The following CDC42BPA variants were observed in gnomAD, a reference collection of about 807,000 sequenced individuals.
CDC42BPA encodes the protein CDC42 binding protein kinase alpha, also known as serine/threonine-protein kinase MRCK alpha.
Under a neutral mutation model 223.5 loss-of-function variants are expected in CDC42BPA, and 80 were observed. That is an observed-to-expected ratio of 0.36 (90% CI 0.30 to 0.43). The LOEUF (loss-of-function observed/expected upper bound fraction) is 0.43. CDC42BPA is among the 20% of genes least tolerant of loss of function. The probability of loss-of-function intolerance (pLI) is 1.00; values close to 1 mark genes in which losing one functional copy is unlikely to be tolerated. For synonymous variants in CDC42BPA, 694 were observed against 718.6 expected, an observed-to-expected ratio of 0.97 and a Z score of 0.55; for missense variants, 1,743 against 2,099.9, an observed-to-expected ratio of 0.83 and a Z score of 3.32.
At chr1:227,266,911 T>C (rs1685092615) in intron 1 of CDC42BPA, among the ~76,000 whole-genome samples, 2 of 152,204 alleles carry the variant, frequency 1.3e-5, no homozygotes, top group Non-Finnish European at 1.5e-5. Flanking sequence ...TTGTTGGCCC[T>C]TAAATACTCA....
chr1:226,997,392 A>G (rs958044843), intron 35 of CDC42BPA, among the ~76,000 whole-genome samples: 1 of 152,074 alleles, frequency 6.6e-6, no homozygotes, highest in African/African-American at 2.4e-5. Flanking sequence ...AATCTTTTCA[A>G]AAAACCAGCT....
At chr1:227,040,386 T>C in intron 23 of CDC42BPA, 150 bp from the exon 24 acceptor site, 1 of 591,686 alleles carries the variant, frequency 1.7e-6, no homozygotes. Context: ...TTATAGTTTA[T>C]GGTCTTTAAA....
At chr1:227,047,590 A>G (rs897089679) in intron 23 of CDC42BPA, among the ~76,000 whole-genome samples, 1 of 150,612 alleles carries the variant, frequency 6.6e-6, no homozygotes, top group Non-Finnish European at 1.5e-5. Context: ...ATTTTTCACT[A>G]AACGTTTTTC....
At chr1:227,039,980 TCAACAGA>T (rs1318602219) in intron 24 of CDC42BPA, 144 bp downstream of exon 24, 1 of 623,192 alleles carries the variant, frequency 1.6e-6, no homozygotes, top group Non-Finnish European at 2.8e-6. Context: ...TCTCGAACAT[TCAACAGA>T]CAACACAGAT....
At chr1:227,275,416 TAAAA>T (rs1407580044) in intron 1 of CDC42BPA, among the ~76,000 whole-genome samples, 1 of 151,436 alleles carries the variant, frequency 6.6e-6, no homozygotes, top group African/African-American at 2.4e-5. Context: ...AAGAGAAAAG[TAAAA>T]GAAAGACAAT....
At chr1:227,176,735 T>G (rs1667019045) in intron 5 of CDC42BPA, among the ~76,000 whole-genome samples, 1 of 152,164 alleles carries the variant, frequency 6.6e-6, no homozygotes, top group Non-Finnish European at 1.5e-5. Context: ...TAGTATATAT[T>G]ATTACACTAT....
chr1:227,003,258 G>A (rs1663258314), intron 35 of CDC42BPA, among the ~76,000 whole-genome samples: 2 of 152,210 alleles, frequency 1.3e-5, no homozygotes, highest in African/African-American at 4.8e-5. Flanking sequence ...ATTGGATTTA[G>A]TGCAGTTACT....
At chr1:227,034,571 C>A in intron 26 of CDC42BPA, 84 bp downstream of exon 26, 2 of 1,263,510 alleles carry the variant, frequency 1.6e-6, no homozygotes, top group African/African-American at 1.5e-5. Context: ...TTAAATAAAC[C>A]ATGGCAACAC....
intron 35 of CDC42BPA, among the ~76,000 whole-genome samples, chr1:226,999,133 A>C (rs1662254400): frequency 6.6e-6 from 1 of 152,094 alleles, no homozygotes; most frequent in Non-Finnish European, 1.5e-5. Flanking sequence ...TCATTAAAAA[A>C]TCAGGAAACA....
At chr1:227,119,966 C>T in intron 11 of CDC42BPA, 29 bp from the exon 12 acceptor site, 1 of 1,538,658 alleles carries the variant, frequency 6.5e-7, no homozygotes, top group Non-Finnish European at 8.7e-7. Context: ...GTTTCTTTTA[C>T]TATTTGTATA....
chr1:227,115,782 A>T (rs544685110), intron 12 of CDC42BPA, among the ~76,000 whole-genome samples: 2 of 152,098 alleles, frequency 1.3e-5, no homozygotes, highest in Admixed American at 6.6e-5. Context: ...ATACTTATAA[A>T]TAACTCATTG....
chr1:227,250,767 GAGGGCC>G (rs1352966363), intron 2 of CDC42BPA, among the ~76,000 whole-genome samples: 3 of 151,742 alleles, frequency 2.0e-5, no homozygotes. Flanking sequence ...AAATACTAAA[GAGGGCC>G]AGGCACAGTG....
chr1:227,211,380 C>G (rs141045464), intron 3 of CDC42BPA, among the ~76,000 whole-genome samples: 7 of 152,116 alleles, frequency 4.6e-5, no homozygotes, highest in Non-Finnish European at 1.0e-4. Context: ...ACCATTCCAT[C>G]CAGCAATCCC....
At chr1:227,064,748 G>A (rs955034891) in intron 21 of CDC42BPA, among the ~76,000 whole-genome samples, 4 of 152,094 alleles carry the variant, frequency 2.6e-5, no homozygotes, top group Non-Finnish European at 5.9e-5. Flanking sequence ...TAGGTTGAAT[G>A]GAAATGCCTT....
chr1:227,287,710 T>C (rs139437492), intron 1 of CDC42BPA, among the ~76,000 whole-genome samples: 3 of 152,316 alleles, frequency 2.0e-5, no homozygotes, highest in Non-Finnish European at 4.4e-5. Flanking sequence ...GGGTTTTTAA[T>C]TGACAAATAA....
chr1:227,082,542 G>A (rs941819205), intron 16 of CDC42BPA, among the ~76,000 whole-genome samples: 9 of 151,384 alleles, frequency 5.9e-5, no homozygotes, highest in Admixed American at 1.3e-4. Context: ...GTGAAACCCC[G>A]TCTCTACTAA....
intron 35 of CDC42BPA, among the ~76,000 whole-genome samples, chr1:227,000,122 TAATAATAATAATAAG>T (rs76381012): frequency 0.36 from 51,091 of 141,334 alleles, 10,009 homozygotes; most frequent in Non-Finnish European, 0.46. Flanking sequence ...ATAATAATAA[TAATAATAATAATAAG>T]CTCTCCTGAT....
At chr1:227,257,217 A>G (rs1343049730) in intron 1 of CDC42BPA, among the ~76,000 whole-genome samples, 1 of 152,184 alleles carries the variant, frequency 6.6e-6, no homozygotes, top group Non-Finnish European at 1.5e-5. Context: ...TAATGGTTAC[A>G]GAATTTCTCT....
intron 5 of CDC42BPA, among the ~76,000 whole-genome samples, chr1:227,193,154 C>T (rs1412253808): frequency 2.0e-5 from 3 of 149,318 alleles, no homozygotes; most frequent in Non-Finnish European, 3.0e-5. Flanking sequence ...CTGCAAGCTC[C>T]GCCTCCCGGG....
Sources: gnomAD v4.1 joint callset for allele counts (sites outside exome capture counted in the v4.1 genomes callset) on GRCh38, gnomAD v4.1.1 for gene constraint, MANE v1.5 for transcripts, NCBI Gene and HGNC (gene_info 2026-07-23, HGNC 2026-07-21) for gene names.